The following ZPR1 variants were observed in gnomAD, a reference collection of about 807,000 sequenced individuals.
ZPR1 encodes the protein ZPR1 zinc finger.
A neutral mutation model predicts 59.6 loss-of-function variants in ZPR1; 37 were observed. The observed-to-expected ratio is 0.62, with a 90% CI of 0.48 to 0.82. The LOEUF (loss-of-function observed/expected upper bound fraction) is 0.82, where lower values mean the gene tolerates loss of function less well. Ranked by LOEUF, ZPR1 falls within the 40% of genes least tolerant of loss-of-function variation. The probability of loss-of-function intolerance (pLI) is 0.00; values close to 1 mark genes in which losing one functional copy is unlikely to be tolerated. For synonymous variants in ZPR1, 191 were observed against 215.2 expected (o/e 0.89, Z 0.99); for missense variants, 527 against 579.9 (o/e 0.91, Z 0.94).
chr11:116,774,931 ACTG>A lies in ZPR1; in HGVS notation c.*3991_*3993del, dbSNP rs1444095664. ...ATTTGTTTTCTTTGTCTTCAATTCC[ACTG>A]CTACCCATCCTACCCCAGTCCCTTA... On this transcript the variant is annotated 3_prime_UTR_variant, in exon 14 of 14. Coordinates refer to ENST00000227322, the MANE Select transcript of ZPR1 (RefSeq NM_003904.5). 2.0e-5 allele frequency: 3 copies of A among 152,260 alleles called. No homozygotes were observed. The highest frequency in any genetic ancestry group is 2.9e-5 in the Non-Finnish European group (2 of 68,198). 9.4% of individuals were successfully genotyped at this position (152,260 alleles called of 1,614,324 possible).
chr11:116,781,491 C>T (rs12286037), intron 12 of ZPR1, among the ~76,000 whole-genome samples: 16,419 of 152,206 alleles, frequency 0.11, 1,181 homozygotes, highest in African/African-American at 0.2. Flanking sequence ...CTTTACCAAA[C>T]TGGAAGACCA....
At position 116,781,314 on chromosome 11, in the gene ZPR1, C is replaced by T. The variant is rs140861097; in HGVS notation, c.1179+844G>A. ...TTTCCAGACTGAAAAAATACATCTA[C>T]CAAGTGCTTAGCCCAGTGGATGAAA... On this transcript the variant is annotated intron_variant, in intron 12 of 13. Transcript: ENST00000227322. 2.4e-3 allele frequency among the ~76,000 whole-genome samples: 366 copies of T among 152,234 alleles called. 2 individuals are homozygous for T. Among genetic ancestry groups the T allele is most frequent in the African/African-American group, 8.5e-3 (351 of 41,528 alleles).
At chr11:116,780,977 G>GA (rs1479972060) in intron 12 of ZPR1, among the ~76,000 whole-genome samples, 7 of 151,980 alleles carry the variant, frequency 4.6e-5, no homozygotes, top group Non-Finnish European at 8.8e-5. Context: ...TCCTCAAGAA[G>GA]AAAAAATACT....
In ZPR1 at chr11:116,773,820, TTTA is replaced by T. The variant is rs778430419; in HGVS notation, c.*5102_*5104del. The T allele has an allele frequency of 3.3e-5, 5 of 152,202 alleles. No individual in the cohort carries two copies. Among genetic ancestry groups the T allele is most frequent in the Non-Finnish European group, 7.3e-5 (5 of 68,036 alleles). 9.4% of individuals were successfully genotyped at this position (152,202 alleles called of 1,614,324 possible). On this transcript the variant is annotated 3_prime_UTR_variant, in exon 14 of 14. Coordinates refer to ENST00000227322, the MANE Select transcript of ZPR1 (RefSeq NM_003904.5). ...CAAGTTTTGGGGGGAAAGAAAAGAC[TTTA>T]TTCTTTGCAGGGGGTTTAGAGCTTT...
chr11:116,774,877 C>T lies in ZPR1; in HGVS notation c.*4048G>A, dbSNP rs2134190482. On this transcript the variant is annotated 3_prime_UTR_variant, in exon 14 of 14. Coordinates refer to ENST00000227322, the MANE Select transcript of ZPR1 (RefSeq NM_003904.5). The stretch of plus-strand genomic sequence containing the variant: ...CAGTGAACACTGCCAGGATAGCCCT[C>T]TGAACTTCCACCCACCCATCTTCTG... 6.5e-6 allele frequency: 1 copy of T among 152,724 alleles called. No homozygotes were observed. Among genetic ancestry groups the T allele is most frequent in the African/African-American group, 2.4e-5 (1 of 41,596 alleles). The allele number at this position is 152,724 out of a possible 1,614,324, so 9.5% of individuals were successfully genotyped here. A position where few individuals can be genotyped will look rare whatever the true frequency, so the allele number is the denominator to read the frequency against.
chr11:116,786,366 A>G (rs555389787), intron 4 of ZPR1, 145 bp downstream of exon 4: 76 of 779,614 alleles, frequency 9.7e-5, no homozygotes, highest in Middle Eastern at 4.7e-4. Context: ...TAATTATAAC[A>G]TATGCAACAT....
chr11:116,783,477 AC>A (rs1940839896), intron 10 of ZPR1, 52 bp downstream of exon 10: 2 of 1,450,076 alleles, frequency 1.4e-6, no homozygotes, highest in African/African-American at 1.4e-5. Flanking sequence ...CTAGATAGAG[AC>A]AGTTTATCTA....
rs1940919008 is a variant in ZPR1 at position 116,787,930 on chromosome 11, C to T, written c.61G>A (p.Ala21Thr). 1.3e-6 allele frequency: 2 copies of T among 1,486,426 alleles called. No individual in the cohort carries two copies. The highest frequency in any genetic ancestry group is 1.5e-5 in the African/African-American group (1 of 68,272). 92.1% of individuals were successfully genotyped at this position (1,486,426 alleles called of 1,614,324 possible). Residue 21 changes from alanine (A) to threonine (T), a missense_variant, in exon 1 of 14, where the codon GCC (alanine) becomes ACC (threonine). By Grantham distance (58) the Ala-to-Thr change is moderately conservative. Transcript: ENST00000227322. ...PPGAAVAPSP[A>T]PAPPPAPDHL... ...TCAGGGGCAGGCGGCGGGGCCGGGG[C>T]GGGCGACGGGGCGACGGCAGCCCCC... is the stretch of plus-strand genomic sequence containing the variant.
In ZPR1 at chr11:116,778,171, A is replaced by C. The variant is rs1204808604; in HGVS notation, c.*754T>G. ...TCCCTGCTTTACATTCCTCCATGAC[A>C]CTAATCACCATCTGATGTACTGTTT... On this transcript the variant is annotated 3_prime_UTR_variant, in exon 14 of 14. Transcript: ENST00000227322. 1 of 152,168 alleles carries C rather than the reference A, an allele frequency of 6.6e-6. No homozygotes were observed. Among genetic ancestry groups the C allele is most frequent in the Non-Finnish European group, 1.5e-5 (1 of 68,060 alleles). The allele number at this position is 152,168 out of a possible 1,614,324, so 9.4% of individuals were successfully genotyped here.
rs1031115617 is a variant in ZPR1, at chr11:116,774,521, A to C, written c.*4404T>G. ...AGGGCTATACTTTATAAATAAATAC[A>C]CATTATCTGGGGATAAGTGTTTAAA... On this transcript the variant is annotated 3_prime_UTR_variant, in exon 14 of 14. Transcript: ENST00000227322. 11 of 152,160 alleles carry C rather than the reference A, an allele frequency of 7.2e-5. No homozygotes were observed. The highest frequency in any genetic ancestry group is 2.7e-4 in the African/African-American group (11 of 41,432). The allele number at this position is 152,160 out of a possible 1,614,324, so 9.4% of individuals were successfully genotyped here. A position where few individuals can be genotyped will look rare whatever the true frequency, so the allele number is the denominator to read the frequency against.
At chr11:116,782,600 A>G (rs971848682) in intron 11 of ZPR1, among the ~76,000 whole-genome samples, 5 of 152,226 alleles carry the variant, frequency 3.3e-5, no homozygotes, top group Non-Finnish European at 7.3e-5. Context: ...AAGTCAACCC[A>G]TACATGTATG....
chr11:116,783,562 C>G lies in ZPR1; in HGVS notation c.949G>C (p.Asp317His). Reference sequence around the variant, plus strand: ...AGGTCTCTGGTCATATCTGAGGCATCTGTGATGTGGAGGGTGATCCTGGTG... The same window carrying G: ...AGGTCTCTGGTCATATCTGAGGCATGTGTGATGTGGAGGGTGATCCTGGTG... Reference protein sequence around the residue: ...LGTRITLHITDASDMTRDLLK... With the variant: ...LGTRITLHITHASDMTRDLLK... Residue 317 changes from aspartate to histidine, a missense_variant, in exon 10 of 14, where the codon GAT becomes CAT. Coordinates refer to ENST00000227322, the MANE Select transcript of ZPR1 (RefSeq NM_003904.5). The G allele has an allele frequency of 6.2e-7, 1 of 1,614,152 alleles. No individual in the cohort carries two copies. The highest frequency in any genetic ancestry group is 8.5e-7 in the Non-Finnish European group (1 of 1,180,016).
In ZPR1 at chr11:116,783,550, T is replaced by C. The variant is rs367659104; in HGVS notation, c.961A>G (p.Met321Val). The C allele has an allele frequency of 1.1e-5, 17 of 1,614,132 alleles. No individual in the cohort carries two copies. Among genetic ancestry groups the C allele is most frequent in the Non-Finnish European group, 1.4e-5 (17 of 1,179,978 alleles). ...GTTACCTTGAGGAGGTCTCTGGTCATATCTGAGGCATCTGTGATGTGGAGG... is the reference window on the plus strand; with the variant it reads ...GTTACCTTGAGGAGGTCTCTGGTCACATCTGAGGCATCTGTGATGTGGAGG... ...ITLHITDASD[M>V]TRDLLKSETC... Residue 321 changes from methionine (M) to valine (V), a missense_variant, in exon 10 of 14, where the codon ATG becomes GTG. Met to Val is a conservative substitution (Grantham distance 21). Coordinates refer to ENST00000227322, the MANE Select transcript of ZPR1 (RefSeq NM_003904.5).
At chr11:116,779,955 T>C (rs1940782169) in intron 12 of ZPR1, 118 bp from the exon 13 acceptor site, 1 of 485,278 alleles carries the variant, frequency 2.1e-6, no homozygotes, top group Non-Finnish European at 3.8e-6. Flanking sequence ...AATGACTAGT[T>C]AATGGGTACA....
At position 116,786,958 on chromosome 11, in the gene ZPR1, C is replaced by A; in HGVS notation, c.424+11G>T. On this transcript the variant is annotated intron_variant, in intron 3 of 13. Coordinates refer to ENST00000227322, the MANE Select transcript of ZPR1 (RefSeq NM_003904.5). ...ATGCGAACAGCCCAAATACTCTGAT[C>A]TTAAACTTACCTCCTTTCTGGCTAA... 2 of 1,612,180 alleles carry A rather than the reference C, an allele frequency of 1.2e-6. No homozygotes were observed. The highest frequency in any genetic ancestry group is 1.3e-5 in the African/African-American group (1 of 75,018).
chr11:116,775,807 A>C lies in ZPR1; in HGVS notation c.*3118T>G, dbSNP rs1439426296. 1 of 166,486 alleles carries C rather than the reference A, an allele frequency of 6.0e-6. No individual in the cohort carries two copies. The highest frequency in any genetic ancestry group is 2.4e-5 in the African/African-American group (1 of 41,456). 10.3% of individuals were successfully genotyped at this position (166,486 alleles called of 1,614,324 possible). A position where few individuals can be genotyped will look rare whatever the true frequency, so the allele number is the denominator to read the frequency against. On this transcript the variant is annotated 3_prime_UTR_variant, in exon 14 of 14. Transcript: ENST00000227322. ...GCCAATACTAAACTGAGGTGAACGC[A>C]CAAAATAAGCAGCTTTTTCTCTCCA...
At chr11:116,781,961 G>A (rs1046663528) in intron 12 of ZPR1, among the ~76,000 whole-genome samples, 197 bp downstream of exon 12, 2 of 151,148 alleles carry the variant, frequency 1.3e-5, no homozygotes, top group Non-Finnish European at 2.9e-5. Context: ...GCAGTGAGCC[G>A]AGATCACGCC....
Position 116,783,558 on chromosome 11 carries a change from G to A in ZPR1, c.953C>T (p.Ala318Val). ...GAGGAGGTCTCTGGTCATATCTGAG[G>A]CATCTGTGATGTGGAGGGTGATCCT... ...GTRITLHITD[A>V]SDMTRDLLKS... Residue 318 changes from alanine to valine, a missense_variant, in exon 10 of 14, where the codon GCC (alanine) becomes GTC (valine). Physicochemically the swap from Ala to Val is moderately conservative, Grantham distance 64. Coordinates refer to ENST00000227322, the MANE Select transcript of ZPR1 (RefSeq NM_003904.5). The A allele has an allele frequency of 6.2e-7, 1 of 1,614,120 alleles. No individual in the cohort carries two copies. Among genetic ancestry groups the A allele is most frequent in the Non-Finnish European group, 8.5e-7 (1 of 1,180,008 alleles).
chr11:116,783,969 TG>T (rs1940848838), intron 9 of ZPR1, among the ~76,000 whole-genome samples: 1 of 152,062 alleles, frequency 6.6e-6, no homozygotes, highest in Non-Finnish European at 1.5e-5. Context: ...TATAATATTC[TG>T]GTTAAAGAAT....
Sources: gnomAD v4.1 joint callset for allele counts (sites outside exome capture counted in the v4.1 genomes callset) on GRCh38, gnomAD v4.1.1 for gene constraint, MANE v1.5 for transcripts, NCBI Gene and HGNC (gene_info 2026-07-23, HGNC 2026-07-21) for gene names.